Variants in ACSM2A observed in about 807,000 individuals in gnomAD.
ACSM2A encodes acyl-CoA synthetase medium chain family member 2A.
A neutral mutation model predicts 76.6 loss-of-function variants in ACSM2A; 72 were observed. That is an observed-to-expected ratio of 0.94 (90% CI 0.78 to 1.14). The LOEUF is 1.14. Among genes scored for constraint, ACSM2A ranks in the 50% most tolerant of loss-of-function variants. ACSM2A has a pLI of 0.00. For synonymous variants in ACSM2A, 249 were observed against 255.9 expected, an observed-to-expected ratio of 0.97 and a Z score of 0.26; for missense variants, 684 against 708.5, an observed-to-expected ratio of 0.97 and a Z score of 0.39.
chr16:20,485,502 A>C (rs191767253), intron 13 of ACSM2A, among the ~76,000 whole-genome samples: 1 of 152,228 alleles, frequency 6.6e-6, no homozygotes, highest in Non-Finnish European at 1.5e-5. Context: ...CAAATAGTAA[A>C]TATTTTAGGC....
At position 20,486,865 on chromosome 16, in the gene ACSM2A, G is replaced by C. The variant is rs1307269552; in HGVS notation, c.*187G>C. On this transcript the variant is annotated 3_prime_UTR_variant, in exon 14 of 14. Coordinates refer to ENST00000573854, the MANE Select transcript of ACSM2A (RefSeq NM_001308172.2). ...TTGAAAGAAGAAAGGGAAGGAATGA[G>C]AGAGAGTGAAAAGGAGAGGGTAACA... is the stretch of plus-strand genomic sequence containing the variant. 1.5e-6 allele frequency: 1 copy of C among 674,634 alleles called. No homozygotes were observed. The highest frequency in any genetic ancestry group is 2.4e-6 in the Non-Finnish European group (1 of 410,816). The allele number at this position is 674,634 out of a possible 1,614,324, so 41.8% of individuals were successfully genotyped here.
At chr16:20,466,828 T>C (rs566531222) in intron 3 of ACSM2A, among the ~76,000 whole-genome samples, 1 of 152,254 alleles carries the variant, frequency 6.6e-6, no homozygotes, top group African/African-American at 2.4e-5. Flanking sequence ...ATAGGAGAAA[T>C]TGGGGAGGTT....
chr16:20,482,828 G>C (rs993386892), intron 12 of ACSM2A: 1 of 475,380 alleles, frequency 2.1e-6, no homozygotes, highest in Admixed American at 3.4e-5. Flanking sequence ...TGGAGTATGA[G>C]GTGAGCCTAG....
Position 20,457,309 on chromosome 16 carries a change from T to G in ACSM2A, c.-8-2798T>G, listed in dbSNP as rs573795776. Among the ~76,000 whole-genome samples, 9 of 152,168 alleles carry G rather than the reference T, an allele frequency of 5.9e-5. No homozygotes were observed. The East Asian group carries it at 1.7e-3, about 29-fold the overall frequency. ...TAAAGAGGGAATCCTCCCTAAATCA[T>G]TCTATGAAGCCAGTATTACCCTCAT... is the stretch of plus-strand genomic sequence containing the variant. On this transcript the variant is annotated intron_variant, in intron 1 of 13. Transcript: ENST00000573854.
intron 12 of ACSM2A, chr16:20,482,535 G>A (rs2014144605): frequency 6.4e-6 from 1 of 157,346 alleles, no homozygotes; most frequent in South Asian, 1.9e-4. Flanking sequence ...CCTCTGGTAC[G>A]TACAGAATAC....
intron 1 of ACSM2A, among the ~76,000 whole-genome samples, chr16:20,458,250 G>A (rs2012317631): frequency 6.7e-6 from 1 of 149,856 alleles, no homozygotes; most frequent in African/African-American, 2.4e-5. Flanking sequence ...TACAAATTCA[G>A]TGCAATTCCC....
At chr16:20,485,512 C>G (rs2014336162) in intron 13 of ACSM2A, among the ~76,000 whole-genome samples, 1 of 152,192 alleles carries the variant, frequency 6.6e-6, no homozygotes, top group South Asian at 2.1e-4. Context: ...ATATTTTAGG[C>G]TATGTGGTCT....
At chr16:20,465,992 A>G (rs2012972118) in intron 3 of ACSM2A, among the ~76,000 whole-genome samples, 1 of 152,220 alleles carries the variant, frequency 6.6e-6, no homozygotes, top group Non-Finnish European at 1.5e-5. Context: ...TATTAATTGC[A>G]CATGTAAGTA....
chr16:20,481,509 C>T (rs1246449877), intron 12 of ACSM2A: 3 of 152,586 alleles, frequency 2.0e-5, no homozygotes, highest in African/African-American at 7.3e-5. Context: ...TGAGTAAGTG[C>T]TAAAATAGCT....
chr16:20,483,172 A>G lies in ACSM2A; in HGVS notation c.1624A>G (p.Arg542Gly), dbSNP rs752090939. The G allele has an allele frequency of 6.2e-7, 1 of 1,613,914 alleles. No individual in the cohort carries two copies. The highest frequency in any genetic ancestry group is 2.2e-5 in the East Asian group (1 of 44,872). ...AGTGACAGCCCCATACAAGTACCCA[A>G]GAAAGGTAAGGCCTTTGAGCTCCCA... Reference protein sequence around the residue: ...KSVTAPYKYPRKIEFVLNLPK... With the variant: ...KSVTAPYKYPGKIEFVLNLPK... Residue 542 changes from arginine (R) to glycine (G), a missense_variant, in exon 13 of 14, where the codon AGA (arginine) becomes GGA (glycine). Arg to Gly is a moderately radical substitution (Grantham distance 125). Coordinates refer to ENST00000573854, the MANE Select transcript of ACSM2A (RefSeq NM_001308172.2).
Position 20,486,668 on chromosome 16 carries a change from G to T in ACSM2A, c.1724G>T (p.Arg575Leu), listed in dbSNP as rs1173954214. ...DKEWKMSGKA[R>L]AQ ...GAGTGGAAGATGTCCGGAAAAGCCC[G>T]TGCGCAGTGAGACATCTAAGAGACA... Residue 575 changes from arginine (R) to leucine (L), a missense_variant, in exon 14 of 14, where the codon CGT (arginine) becomes CTT (leucine). Coordinates refer to ENST00000573854, the MANE Select transcript of ACSM2A (RefSeq NM_001308172.2). 16 of 1,614,050 alleles carry T rather than the reference G, an allele frequency of 9.9e-6. No individual in the cohort carries two copies. The highest frequency in any genetic ancestry group is 1.2e-5 in the Non-Finnish European group (14 of 1,180,016).
At chr16:20,474,473 C>T (rs140836105) in intron 6 of ACSM2A, among the ~76,000 whole-genome samples, 4,478 of 152,274 alleles carry the variant, frequency 0.029, 165 homozygotes, top group Admixed American at 0.12. Context: ...AGCAAGAAGG[C>T]TCTCACCAGA....
At chr16:20,460,022 T>C (rs2012508394) in intron 1 of ACSM2A, 85 bp from the exon 2 acceptor site, 1 of 1,443,692 alleles carries the variant, frequency 6.9e-7, no homozygotes, top group African/African-American at 1.5e-5. Context: ...CCTATAAGGT[T>C]GGGATGAATC....
At chr16:20,471,513 A>G (rs1450952932) in intron 5 of ACSM2A, 23 bp from the exon 6 acceptor site, 10 of 1,602,924 alleles carry the variant, frequency 6.2e-6, no homozygotes, top group South Asian at 1.1e-5. Flanking sequence ...CTATATGTAC[A>G]TGTGTTTTGT....
intron 3 of ACSM2A, among the ~76,000 whole-genome samples, chr16:20,467,877 C>A (rs1456887704): frequency 1.3e-5 from 2 of 151,940 alleles, no homozygotes; most frequent in Non-Finnish European, 2.9e-5. Context: ...AAAAGAACCC[C>A]AAGAAACTCC....
chr16:20,475,872 A>T lies in ACSM2A; in HGVS notation c.1098+99A>T, dbSNP rs1234081970. On this transcript the variant is annotated intron_variant, in intron 8 of 13. Transcript: ENST00000573854. ...GTTAGCCACCATGTATCATTCATCTATTCGAGAAGTATTTATTGAGCCTCT... is the reference window on the plus strand; with the variant it reads ...GTTAGCCACCATGTATCATTCATCTTTTCGAGAAGTATTTATTGAGCCTCT... 7 of 1,568,926 alleles carry T rather than the reference A, an allele frequency of 4.5e-6. No homozygotes were observed. In the Admixed American group the frequency reaches 1.3e-4, roughly 30 times the overall value.
chr16:20,480,618 C>T lies in ACSM2A; in HGVS notation c.1327C>T (p.Leu443Phe). ...TAANIRGDFW[L>F]LGDRGIKDED... ...AGCCAACATTCGAGGAGACTTTTGG[C>T]TCCTTGGAGACCGGGGAATCAAAGA... The change falls in exon 11 of 14, where the codon CTC becomes TTC. Residue 443 changes from leucine to phenylalanine, a missense_variant. By Grantham distance (22) the Leu-to-Phe change is conservative. Coordinates refer to ENST00000573854, the MANE Select transcript of ACSM2A (RefSeq NM_001308172.2). 2.5e-6 allele frequency: 4 copies of T among 1,613,670 alleles called. No individual in the cohort carries two copies. Among genetic ancestry groups the T allele is most frequent in the Non-Finnish European group, 3.4e-6 (4 of 1,179,788 alleles).
intron 1 of ACSM2A, among the ~76,000 whole-genome samples, chr16:20,454,532 C>A (rs2012005390): frequency 2.0e-5 from 3 of 151,752 alleles, no homozygotes. Context: ...TCCCCTGAGG[C>A]AGTTGCCAAG....
intron 2 of ACSM2A, among the ~76,000 whole-genome samples, chr16:20,464,874 T>C (rs2012881547): frequency 6.6e-6 from 1 of 152,100 alleles, no homozygotes; most frequent in South Asian, 2.1e-4. Flanking sequence ...GATTGTTGCA[T>C]AACAATGAGA....
Sources: allele counts gnomAD v4.1 joint callset (sites outside exome capture counted in the v4.1 genomes callset), GRCh38; gene constraint gnomAD v4.1.1; transcripts MANE v1.5; gene names NCBI Gene and HGNC (gene_info 2026-07-23, HGNC 2026-07-21).